Variants in PCDHGA1 observed in about 807,000 individuals in gnomAD.
The protein encoded by PCDHGA1 is protocadherin gamma subfamily A, 1, also known as protocadherin gamma-A1.
PCDHGA1 carries 32 observed loss-of-function variants against 58.0 expected under a neutral mutation model. The ratio of observed to expected loss-of-function variants is 0.55; its 90% CI spans 0.42 to 0.74. PCDHGA1 has a LOEUF of 0.74. Ranked by LOEUF, PCDHGA1 falls within the 30% of genes least tolerant of loss-of-function variation. The probability of loss-of-function intolerance (pLI) is 0.00; values close to 1 mark genes in which losing one functional copy is unlikely to be tolerated. For missense variants in PCDHGA1, 1,205 were observed against 1,182.3 expected, an observed-to-expected ratio of 1.02 and a Z score of -0.28; for synonymous variants, 498 against 501.1, an observed-to-expected ratio of 0.99 and a Z score of 0.08.
chr5:141,446,917 C>G (rs979679080), intron 1 of PCDHGA1, among the ~76,000 whole-genome samples: 1 of 152,108 alleles, frequency 6.6e-6, no homozygotes, highest in South Asian at 2.1e-4. Flanking sequence ...TTTTATTTAT[C>G]TTCCTGATCT....
intron 1 of PCDHGA1, chr5:141,418,398 T>C (rs754177868): frequency 6.2e-7 from 1 of 1,613,842 alleles, no homozygotes; most frequent in South Asian, 1.1e-5. Flanking sequence ...TATTTCTCAT[T>C]GGTGGAGAAA....
chr5:141,403,863 C>CA (rs1449407003), intron 1 of PCDHGA1: 1 of 1,613,374 alleles, frequency 6.2e-7, no homozygotes, highest in Non-Finnish European at 8.5e-7. Flanking sequence ...ATATCAACAG[C>CA]AAAAAGTCTA....
intron 1 of PCDHGA1, chr5:141,387,860 G>T: frequency 6.3e-7 from 1 of 1,593,236 alleles, no homozygotes; most frequent in Non-Finnish European, 8.5e-7. Flanking sequence ...CCAGGCTGGT[G>T]AGCAAGCTGA....
chr5:141,409,159 G>C, intron 1 of PCDHGA1: 1 of 1,614,014 alleles, frequency 6.2e-7, no homozygotes, highest in East Asian at 2.2e-5. Flanking sequence ...CCATGGAAGT[G>C]GAAGCGAAGG....
intron 1 of PCDHGA1, among the ~76,000 whole-genome samples, chr5:141,434,819 A>G (rs2097719619): frequency 6.6e-6 from 1 of 151,946 alleles, no homozygotes; most frequent in Admixed American, 6.6e-5. Flanking sequence ...TATATCCCTT[A>G]GTACACTTGG....
At chr5:141,356,957 A>G (rs773071965) in intron 1 of PCDHGA1, 7 of 1,614,206 alleles carry the variant, frequency 4.3e-6, no homozygotes, top group Non-Finnish European at 5.9e-6. Context: ...GATTCCGGCT[A>G]CCTGGTGACC....
At chr5:141,340,433 A>G in intron 1 of PCDHGA1, 1 of 1,614,174 alleles carries the variant, frequency 6.2e-7, no homozygotes, top group Non-Finnish European at 8.5e-7. Context: ...TGCTCATGTA[A>G]CTTACTCTTT....
rs201006002 is a variant in PCDHGA1, at chr5:141,432,497, C to T, written c.2422-62310C>T. 7 of 1,614,062 alleles carry T rather than the reference C, an allele frequency of 4.3e-6. 1 individual carries two copies. In the South Asian group the frequency reaches 6.6e-5, roughly 15 times the overall value. On this transcript the variant is annotated intron_variant, in intron 1 of 3. Transcript: ENST00000517417. This position sits in a 1 kb window ranked among gnomAD's most constrained non-coding sequence, Gnocchi z 6.0. Reference sequence around the variant, plus strand: ...TTCCACTGGCGTGGAGCTGGCTCCCCGCTCCGCAGAGCCCGGCTACCTGGT... The same window carrying T: ...TTCCACTGGCGTGGAGCTGGCTCCCTGCTCCGCAGAGCCCGGCTACCTGGT...
intron 1 of PCDHGA1, chr5:141,428,284 G>A (rs762469333): frequency 4.2e-5 from 31 of 734,822 alleles, no homozygotes. Flanking sequence ...TGATTCCCAA[G>A]CAAAGCTGCA....
intron 1 of PCDHGA1, among the ~76,000 whole-genome samples, chr5:141,454,796 ATTTTTTTTTTT>A (rs61612330): frequency 0.01 from 775 of 77,498 alleles, 10 homozygotes; most frequent in African/African-American, 0.043. Context: ...CATGGTTCTA[ATTTTTTTTTTT>A]TTTTTTTTTT....
At chr5:141,340,421 A>T (rs780270079) in intron 1 of PCDHGA1, 5 of 1,614,030 alleles carry the variant, frequency 3.1e-6, no homozygotes, top group Middle Eastern at 1.6e-4. Context: ...CAGCAACGAC[A>T]ATGCTCATGT....
At chr5:141,346,414 C>G in intron 1 of PCDHGA1, 1 of 1,614,240 alleles carries the variant, frequency 6.2e-7, no homozygotes. Context: ...CTTCTGATAA[C>G]TCAGGATTTA....
intron 1 of PCDHGA1, among the ~76,000 whole-genome samples, chr5:141,447,747 C>A (rs1164160677): frequency 2.0e-5 from 3 of 152,106 alleles, no homozygotes; most frequent in Non-Finnish European, 4.4e-5. Flanking sequence ...AAGAGTCTTG[C>A]ATGTGACTGT....
In PCDHGA1 at chr5:141,476,599, TC is replaced by T; in HGVS notation, c.2422-18205del. The T allele has an allele frequency of 6.2e-7, 1 of 1,614,210 alleles. No individual in the cohort carries two copies. ...GCTTTCCGCTCGAGAGCGCGCACGA[TC>T]CCGATGTGGGAAGCAACTCTTTACA... is the stretch of plus-strand genomic sequence containing the variant. On this transcript the variant is annotated intron_variant, in intron 1 of 3. Transcript: ENST00000517417. This position sits in a 1 kb window ranked among gnomAD's most constrained non-coding sequence, Gnocchi z 7.6.
chr5:141,478,121 G>T lies in PCDHGA1; in HGVS notation c.2422-16686G>T. On this transcript the variant is annotated intron_variant, in intron 1 of 3. Coordinates refer to ENST00000517417, the MANE Select transcript of PCDHGA1 (RefSeq NM_018912.3). ...TACCCTCACTGTGTCAGTAACCGAG[G>T]ACTCTCCTGAAGCCCGAGCCGAGTT... 2.5e-6 allele frequency: 4 copies of T among 1,614,036 alleles called. No individual in the cohort carries two copies. In the African/African-American group the frequency reaches 4.0e-5, roughly 16 times the overall value.
chr5:141,487,041 G>T lies in PCDHGA1; in HGVS notation c.2422-7766G>T, dbSNP rs149314216. Reference sequence around the variant, plus strand: ...GATCCCAGCCTGTTTGCAGTCTCTCGATATGCTGGGGAGGTGCGGACGGCT... The same window carrying T: ...GATCCCAGCCTGTTTGCAGTCTCTCTATATGCTGGGGAGGTGCGGACGGCT... On this transcript the variant is annotated intron_variant, in intron 1 of 3. Transcript: ENST00000517417. This position sits in a 1 kb window ranked among gnomAD's most constrained non-coding sequence, Gnocchi z 5.0. 6.2e-7 allele frequency: 1 copy of T among 1,614,132 alleles called. No homozygotes were observed. The highest frequency in any genetic ancestry group is 8.5e-7 in the Non-Finnish European group (1 of 1,180,030).
At position 141,362,565 on chromosome 5, in the gene PCDHGA1, T is replaced by C. The variant is rs757616440; in HGVS notation, c.2421+29460T>C. The stretch of plus-strand genomic sequence containing the variant: ...CAGATACTATTTTGAAGGTGAGCTT[T>C]AATTAATTTATTTTCACTTCTGGTT... On this transcript the variant is annotated intron_variant, in intron 1 of 3. Transcript: ENST00000517417. 1.6e-5 allele frequency: 25 copies of C among 1,608,278 alleles called. No homozygotes were observed. In the African/African-American group the frequency reaches 3.2e-4, roughly 21 times the overall value.
At chr5:141,413,381 G>T in intron 1 of PCDHGA1, 2 of 1,613,946 alleles carry the variant, frequency 1.2e-6, no homozygotes, top group Admixed American at 1.7e-5. Context: ...CGCGGAGTCC[G>T]CATAGTCTCC....
chr5:141,486,278 G>A lies in PCDHGA1; in HGVS notation c.2422-8529G>A. The A allele has an allele frequency of 1.2e-6, 2 of 1,614,088 alleles. No individual in the cohort carries two copies. Among genetic ancestry groups the A allele is most frequent in the South Asian group, 2.2e-5 (2 of 91,068 alleles). On this transcript the variant is annotated intron_variant, in intron 1 of 3. Transcript: ENST00000517417. This position sits in a 1 kb window ranked among gnomAD's most constrained non-coding sequence, Gnocchi z 5.0. The stretch of plus-strand genomic sequence containing the variant: ...CGAGAGTGCAGAACCTGGCACTGTG[G>A]TGGCACTTATCAGTGTGCAGGATCC...
Sources: allele counts gnomAD v4.1 joint callset (sites outside exome capture counted in the v4.1 genomes callset), GRCh38; gene constraint gnomAD v4.1.1; non-coding constraint Gnocchi (gnomAD v3.1); transcripts MANE v1.5; gene names NCBI Gene and HGNC (gene_info 2026-07-23, HGNC 2026-07-21).